The following NUAK1 variants were observed in gnomAD, a reference collection of about 807,000 sequenced individuals.
NUAK1 encodes NUAK family SNF1-like kinase 1.
A neutral mutation model predicts 56.9 loss-of-function variants in NUAK1; 26 were observed. The observed-to-expected ratio is 0.46, with a 90% confidence interval of 0.33 to 0.63. NUAK1 has a LOEUF of 0.63. NUAK1 is among the 30% of genes least tolerant of loss of function. The probability of loss-of-function intolerance (pLI) is 0.02; values close to 1 mark genes in which losing one functional copy is unlikely to be tolerated. For synonymous variants in NUAK1, 337 were observed against 336.0 expected (o/e 1.00, Z -0.03); for missense variants, 727 against 876.1 (o/e 0.83, Z 2.15).
intron 1 of NUAK1, among the ~76,000 whole-genome samples, chr12:106,136,325 T>A (rs956282063): frequency 6.6e-6 from 1 of 152,146 alleles, no homozygotes; most frequent in Non-Finnish European, 1.5e-5. Flanking sequence ...GGACTTCAGA[T>A]TTGCGGCTGG....
chr12:106,119,649 T>C (rs529983469), intron 1 of NUAK1, among the ~76,000 whole-genome samples: 2 of 152,320 alleles, frequency 1.3e-5, no homozygotes, highest in African/African-American at 4.8e-5. Context: ...CTTTTCTGTA[T>C]CTGGCGAGTT....
chr12:106,081,238 C>T (rs776761721), intron 4 of NUAK1, among the ~76,000 whole-genome samples: 7 of 138,244 alleles, frequency 5.1e-5, no homozygotes, highest in Middle Eastern at 3.4e-3. Context: ...ACTGTGTGAT[C>T]GTGGGCATTA....
chr12:106,080,898 AG>A (rs1211391879), intron 4 of NUAK1, among the ~76,000 whole-genome samples: 1 of 152,266 alleles, frequency 6.6e-6, no homozygotes, highest in Non-Finnish European at 1.5e-5. Context: ...TCTTGAGCAC[AG>A]AGGCCGGCTT....
chr12:106,115,302 TTCTA>T (rs2032904827), intron 1 of NUAK1, among the ~76,000 whole-genome samples: 1 of 152,246 alleles, frequency 6.6e-6, no homozygotes. Flanking sequence ...AGGCATGACT[TTCTA>T]TCTTATTTTA....
intron 1 of NUAK1, among the ~76,000 whole-genome samples, chr12:106,113,746 A>AG (rs1330731798): frequency 6.6e-6 from 1 of 150,974 alleles, no homozygotes; most frequent in Non-Finnish European, 1.5e-5. Context: ...GGCTTCCTTG[A>AG]GGGGGCTCAG....
At chr12:106,105,814 T>G (rs1303333544) in intron 2 of NUAK1, 1 of 152,208 alleles carries the variant, frequency 6.6e-6, no homozygotes, top group Non-Finnish European at 1.5e-5. Context: ...TTCTCTCCAT[T>G]TCTTCTCATG....
At chr12:106,097,858 C>T (rs1017063410) in intron 2 of NUAK1, among the ~76,000 whole-genome samples, 2 of 152,192 alleles carry the variant, frequency 1.3e-5, no homozygotes, top group Non-Finnish European at 2.9e-5. Context: ...TTGAGAACTG[C>T]TGCTCAAATG....
In NUAK1 at chr12:106,067,813, G is replaced by A. The variant is rs148997940; in HGVS notation, c.975C>T (p.Ser325=). Residue 325 remains serine, a synonymous_variant, in exon 7 of 7, where the codon TCC becomes TCT. Coordinates refer to ENST00000261402, the MANE Select transcript of NUAK1 (RefSeq NM_014840.3). This position sits in a 1 kb window ranked among gnomAD's most constrained non-coding sequence, Gnocchi z 6.0. ...CDCDALHDSE[S]PLLARIIDWH... is the part of the protein sequence containing the mutation. Reference sequence around the variant, plus strand: ...AGTCAATGATCCGAGCCAGGAGTGGGGACTCAGAGTCATGGAGGGCATCAC... The same window carrying A: ...AGTCAATGATCCGAGCCAGGAGTGGAGACTCAGAGTCATGGAGGGCATCAC... 1.2e-6 allele frequency: 2 copies of A among 1,614,182 alleles called. No individual in the cohort carries two copies. The highest frequency in any genetic ancestry group is 1.1e-5 in the South Asian group (1 of 91,084).
chr12:106,107,228 C>T (rs989889098), intron 1 of NUAK1, among the ~76,000 whole-genome samples: 18 of 152,156 alleles, frequency 1.2e-4, no homozygotes, highest in Non-Finnish European at 2.6e-4. Context: ...GTTGCAAATG[C>T]AAACTGCAGA....
At chr12:106,135,353 C>T (rs971087754) in intron 1 of NUAK1, among the ~76,000 whole-genome samples, 9 of 152,222 alleles carry the variant, frequency 5.9e-5, no homozygotes, top group South Asian at 4.1e-4. Flanking sequence ...AGTGCCTGGA[C>T]GACACACAGG....
intron 4 of NUAK1, among the ~76,000 whole-genome samples, chr12:106,074,325 T>C (rs985145000): frequency 1.3e-5 from 2 of 152,222 alleles, no homozygotes; most frequent in Non-Finnish European, 2.9e-5. Context: ...CTTTATTTAA[T>C]CTAATCTTAA....
At chr12:106,087,490 T>C (rs2032585929) in intron 2 of NUAK1, among the ~76,000 whole-genome samples, 1 of 152,204 alleles carries the variant, frequency 6.6e-6, no homozygotes, top group Admixed American at 6.5e-5. Flanking sequence ...CCTGTTTCAC[T>C]CACTGGTGTA....
rs761030245 is a variant in NUAK1, at chr12:106,067,731, C to A, written c.1057G>T (p.Ala353Ser). ...ATGACCTCAGAGGTCGTGGGTTTGG[C>A]CAGGCCCTTCATTTTGGCTTCGGTG... ...ADTEAKMKGL[A>S]KPTTSEVMLE... is the part of the protein sequence containing the mutation. The change falls in exon 7 of 7, where the codon GCC (alanine) becomes TCC (serine). Residue 353 changes from alanine to serine, a missense_variant. Ala to Ser is a moderately conservative substitution (Grantham distance 99). Coordinates refer to ENST00000261402, the MANE Select transcript of NUAK1 (RefSeq NM_014840.3). The surrounding 1 kb of genome is among the most constrained non-coding windows in gnomAD (Gnocchi z 6.0). 6.2e-7 allele frequency: 1 copy of A among 1,614,196 alleles called. No homozygotes were observed. Among genetic ancestry groups the A allele is most frequent in the East Asian group, 2.2e-5 (1 of 44,880 alleles).
intron 1 of NUAK1, among the ~76,000 whole-genome samples, chr12:106,121,870 T>C (rs1466911149): frequency 1.3e-5 from 2 of 152,104 alleles, no homozygotes; most frequent in Non-Finnish European, 2.9e-5. Context: ...CACACACACA[T>C]GCACACACCC....
At chr12:106,111,525 T>C (rs994813190) in intron 1 of NUAK1, among the ~76,000 whole-genome samples, 3 of 152,078 alleles carry the variant, frequency 2.0e-5, no homozygotes, top group Admixed American at 6.6e-5. Flanking sequence ...TGCTCATTCA[T>C]TGATATAAGC....
At chr12:106,074,269 T>C (rs960508025) in intron 4 of NUAK1, among the ~76,000 whole-genome samples, 1 of 152,174 alleles carries the variant, frequency 6.6e-6, no homozygotes, top group Admixed American at 6.5e-5. Flanking sequence ...TAAACTTAGT[T>C]GCCACTTTTT....
At chr12:106,112,899 C>T (rs1017440643) in intron 1 of NUAK1, among the ~76,000 whole-genome samples, 2 of 152,338 alleles carry the variant, frequency 1.3e-5, no homozygotes, top group East Asian at 3.9e-4. Flanking sequence ...ATTTAATCCT[C>T]TGTAACTTGG....
intron 1 of NUAK1, among the ~76,000 whole-genome samples, chr12:106,130,509 G>A (rs1360754670): frequency 6.6e-6 from 1 of 152,188 alleles, no homozygotes; most frequent in Admixed American, 6.5e-5. Flanking sequence ...CCCCAATGTG[G>A]GGATGTTAGG....
intron 2 of NUAK1, among the ~76,000 whole-genome samples, chr12:106,087,770 G>A (rs1004133072): frequency 6.6e-6 from 1 of 152,216 alleles, no homozygotes; most frequent in African/African-American, 2.4e-5. Flanking sequence ...GGGAGGTTAA[G>A]AAACTGGCAC....
Sources: allele counts gnomAD v4.1 joint callset (sites outside exome capture counted in the v4.1 genomes callset), GRCh38; gene constraint gnomAD v4.1.1; non-coding constraint Gnocchi (gnomAD v3.1); transcripts MANE v1.5; gene names NCBI Gene and HGNC (gene_info 2026-07-23, HGNC 2026-07-21).